Variants in PLIN2 observed in about 807,000 individuals in gnomAD.
PLIN2 encodes perilipin 2, also known as perilipin-2.
In PLIN2, 33 loss-of-function variants were observed where a neutral mutation model predicts 30.6. The ratio of observed to expected loss-of-function variants is 1.08; its 90% CI spans 0.82 to 1.44. The LOEUF is 1.44. Among genes scored for constraint, PLIN2 ranks in the 40% most tolerant of loss-of-function variants. The pLI is 0.00. For missense variants in PLIN2, 610 were observed against 531.8 expected (o/e 1.15, Z -1.45); for synonymous variants, 205 against 201.1 (o/e 1.02, Z -0.16).
downstream of PLIN2, among the ~76,000 whole-genome samples, chr9:19,111,719 C>T (rs557526485): frequency 1.4e-4 from 21 of 152,172 alleles, no homozygotes; most frequent in African/African-American, 3.9e-4. Flanking sequence ...TACCATAAAA[C>T]AAGTCTTTGG....
chr9:19,114,558 C>A (rs543225928), downstream of PLIN2, among the ~76,000 whole-genome samples: 1 of 152,158 alleles, frequency 6.6e-6, no homozygotes, highest in Admixed American at 6.6e-5. Context: ...CGTGCACCAC[C>A]AGGCCAGGCT....
downstream of PLIN2, among the ~76,000 whole-genome samples, chr9:19,112,932 T>C (rs937211216): frequency 2.6e-5 from 4 of 152,018 alleles, no homozygotes; most frequent in Non-Finnish European, 5.9e-5. Context: ...GAGACCTCTC[T>C]CCTTTTCATA....
chr9:19,122,282 T>C (rs185677643), intron 4 of PLIN2, among the ~76,000 whole-genome samples: 29 of 152,304 alleles, frequency 1.9e-4, no homozygotes, highest in Non-Finnish European at 3.7e-4. Flanking sequence ...TATAGTTGTG[T>C]ACCACATAAT....
At chr9:19,126,669 G>A (rs1038837463) in intron 1 of PLIN2, among the ~76,000 whole-genome samples, 8 of 152,186 alleles carry the variant, frequency 5.3e-5, no homozygotes, top group African/African-American at 1.9e-4. Context: ...CAGAGCTTAT[G>A]TGTAAACTTG....
intron 2 of PLIN2, among the ~76,000 whole-genome samples, chr9:19,110,383 TG>T (rs1265423667): frequency 1.3e-5 from 2 of 152,206 alleles, no homozygotes; most frequent in African/African-American, 4.8e-5. Flanking sequence ...ATAACGGTGA[TG>T]GTTGTATAAC....
rs763391238 is a variant in PLIN2 at position 19,116,477 on chromosome 9, G to A, written c.1085C>T (p.Ser362Phe). 6 of 1,614,120 alleles carry A rather than the reference G, an allele frequency of 3.7e-6. No individual in the cohort carries two copies. The Admixed American group carries it at 1.0e-4, about 27-fold the overall frequency. The change falls in exon 8 of 8, where the codon TCC (serine) becomes TTC (phenylalanine). Residue 362 changes from serine to phenylalanine, a missense_variant. Transcript: ENST00000276914. ...DIYSVFRNAA[S>F]FKEVSDSLLT... ...GAGGCTGTCAGACACTTCTTTAAAG[G>A]AGGCAGCATTGCGGAACACTGAGTA...
intron 6 of PLIN2, among the ~76,000 whole-genome samples, chr9:19,119,304 A>G (rs2131179450): frequency 6.6e-6 from 1 of 152,364 alleles, no homozygotes; most frequent in Non-Finnish European, 1.5e-5. Context: ...AAGTGTAGGT[A>G]TGCTTGTAAC....
At chr9:19,123,393 C>T (rs1380664329) in intron 4 of PLIN2, 172 bp downstream of exon 4, 5 of 1,551,386 alleles carry the variant, frequency 3.2e-6, no homozygotes, top group Non-Finnish European at 4.4e-6. Flanking sequence ...GTAGATACAA[C>T]TTGACAACAG....
Position 19,126,408 on chromosome 9 carries a change from C to G in PLIN2, c.19G>C (p.Asp7His). The change falls in exon 2 of 8, where the codon GAT becomes CAT. Residue 7 changes from aspartate (D) to histidine (H), a missense_variant. Asp to His is a moderately conservative substitution (Grantham distance 81). Coordinates refer to ENST00000276914, the MANE Select transcript of PLIN2 (RefSeq NM_001122.4). Reference protein sequence around the residue: MASVAVDPQPSVVTRVV... With the variant: MASVAVHPQPSVVTRVV... ...CTCAAAATTCATACCGGTTGTGGAT[C>G]AACTGCAACGGATGCCATTTTTCTT... 6.2e-7 allele frequency: 1 copy of G among 1,613,726 alleles called. No individual in the cohort carries two copies. Among genetic ancestry groups the G allele is most frequent in the South Asian group, 1.1e-5 (1 of 91,052 alleles).
Position 19,119,757 on chromosome 9 carries a change from A to G in PLIN2, c.670T>C (p.Ser224Pro). Reference sequence around the variant, plus strand: ...TAGGCACGGGAGTGAAGCTTGGTAGACAGGGATCCCAGTCTAACATAATAA... The same window carrying G: ...TAGGCACGGGAGTGAAGCTTGGTAGGCAGGGATCCCAGTCTAACATAATAA... ...PSYYVRLGSL[S>P]TKLHSRAYQQ... The change falls in exon 6 of 8, where the codon TCT becomes CCT. Residue 224 changes from serine (S) to proline (P), a missense_variant. Transcript: ENST00000276914. The G allele has an allele frequency of 3.1e-6, 5 of 1,611,814 alleles. No individual in the cohort carries two copies. Among genetic ancestry groups the G allele is most frequent in the Middle Eastern group, 1.7e-4 (1 of 6,040 alleles).
At position 19,115,810 on chromosome 9, in the gene PLIN2, C is replaced by T. The variant is rs1818212201; in HGVS notation, c.*438G>A. On this transcript the variant is annotated 3_prime_UTR_variant, in exon 8 of 8. Transcript: ENST00000276914. The stretch of plus-strand genomic sequence containing the variant: ...TTTATTGAATTCAAAGGTAGTATTC[C>T]TATTTGAGAAATGAAAAACTAAAAT... 6.3e-6 allele frequency: 1 copy of T among 158,576 alleles called. No individual in the cohort carries two copies. The highest frequency in any genetic ancestry group is 6.1e-5 in the Admixed American group (1 of 16,520). The allele number at this position is 158,576 out of a possible 1,614,324, so 9.8% of individuals were successfully genotyped here.
At chr9:19,114,682 G>T (rs1236355564), downstream of PLIN2, among the ~76,000 whole-genome samples, 2 of 152,146 alleles carry the variant, frequency 1.3e-5, no homozygotes, top group Admixed American at 6.6e-5. Flanking sequence ...GGGATTACAG[G>T]TATGAGCCAC....
rs747066034 is a variant in PLIN2 at position 19,121,207 on chromosome 9, G to A, written c.310-42C>T. 13 of 1,580,268 alleles carry A rather than the reference G, an allele frequency of 8.2e-6. No individual in the cohort carries two copies. In the South Asian group the frequency reaches 1.2e-4, roughly 15 times the overall value. On this transcript the variant is annotated intron_variant, in intron 4 of 7. Transcript: ENST00000276914. Reference sequence around the variant, plus strand: ...AGATCCCCTGGCTGGTGAGAAAAATGAGCACAAGGACATACCTAAGGTCTT... The same window carrying A: ...AGATCCCCTGGCTGGTGAGAAAAATAAGCACAAGGACATACCTAAGGTCTT...
Position 19,116,299 on chromosome 9 carries a change from C to G in PLIN2, c.1263G>C (p.Glu421Asp), listed in dbSNP as rs373558876. 6.2e-7 allele frequency: 1 copy of G among 1,612,904 alleles called. No homozygotes were observed. The highest frequency in any genetic ancestry group is 1.3e-5 in the African/African-American group (1 of 74,912). ...GGGTCTCCTGGCTGCTCTTGTCCAT[C>G]TCTGCACCTTGGTCCTGAGCATTCT... ...ESQNAQDQGA[E>D]MDKSSQETQR... The change falls in exon 8 of 8, where the codon GAG (glutamate) becomes GAC (aspartate). Residue 421 changes from glutamate (E) to aspartate (D), a missense_variant. By Grantham distance (45) the Glu-to-Asp change is conservative. Transcript: ENST00000276914.
intron 4 of PLIN2, 96 bp downstream of exon 4, chr9:19,123,469 G>A (rs1316051738): frequency 6.3e-7 from 1 of 1,591,006 alleles, no homozygotes; most frequent in Non-Finnish European, 8.6e-7. Flanking sequence ...GGGAAAACAA[G>A]TATTTGCCTG....
intron 2 of PLIN2, 32 bp from the exon 3 acceptor site, chr9:19,126,341 A>T: frequency 1.2e-6 from 2 of 1,613,514 alleles, no homozygotes; most frequent in African/African-American, 1.3e-5. Flanking sequence ...TATGCTTATT[A>T]ATCTCTCAAA....
chr9:19,117,310 A>C (rs1025507079), intron 7 of PLIN2, among the ~76,000 whole-genome samples: 1 of 151,876 alleles, frequency 6.6e-6, no homozygotes, highest in African/African-American at 2.4e-5. Context: ...ACAGGTGCAC[A>C]CCACCACACC....
In PLIN2 at chr9:19,126,258, G is replaced by C. The variant is rs769469820; in HGVS notation, c.82C>G (p.Leu28Val). ...NLPLVSSTYDLMSSAYLSTKD... is the reference protein window; with the variant it reads ...NLPLVSSTYDVMSSAYLSTKD... ...GTACTGAGATAGGCTGAGGACATGA[G>C]GTCATACGTGGAGCTCACCAAGGGC... Residue 28 changes from leucine to valine, a missense_variant, in exon 3 of 8, where the codon CTC (leucine) becomes GTC (valine). Physicochemically the swap from Leu to Val is conservative, Grantham distance 32 (BLOSUM62 1). Coordinates refer to ENST00000276914, the MANE Select transcript of PLIN2 (RefSeq NM_001122.4). 2 of 1,614,160 alleles carry C rather than the reference G, an allele frequency of 1.2e-6. No homozygotes were observed. The highest frequency in any genetic ancestry group is 4.5e-5 in the East Asian group (2 of 44,886).
chr9:19,122,386 C>A (rs1022940359), intron 4 of PLIN2, among the ~76,000 whole-genome samples: 1 of 151,286 alleles, frequency 6.6e-6, no homozygotes, highest in Non-Finnish European at 1.5e-5. Flanking sequence ...TTCACTGTAC[C>A]TTTTCTAGTT....
Sources: allele counts gnomAD v4.1 joint callset (sites outside exome capture counted in the v4.1 genomes callset), GRCh38; gene constraint gnomAD v4.1.1; transcripts MANE v1.5; gene names NCBI Gene and HGNC (gene_info 2026-07-23, HGNC 2026-07-21).